The following VWA8 variants were observed in gnomAD, a reference collection of about 807,000 sequenced individuals.
VWA8 encodes the protein von Willebrand factor A domain-containing protein 8.
Under a neutral mutation model 241.5 loss-of-function variants are expected in VWA8, and 221 were observed. The ratio of observed to expected loss-of-function variants is 0.91; its 90% CI spans 0.82 to 1.02. The LOEUF is 1.02. VWA8 is among the 50% of genes least tolerant of loss of function. The pLI, the probability that VWA8 is intolerant of heterozygous loss-of-function variation, is 0.00. For synonymous variants in VWA8, 852 were observed against 827.1 expected, an observed-to-expected ratio of 1.03 and a Z score of -0.52; for missense variants, 2,322 against 2,328.7, an observed-to-expected ratio of 1.00 and a Z score of 0.06.
chr13:41,593,559 A>C (rs139172413), intron 40 of VWA8, among the ~76,000 whole-genome samples: 5 of 152,194 alleles, frequency 3.3e-5, no homozygotes, highest in African/African-American at 1.2e-4. Flanking sequence ...CCCTCCCTGC[A>C]CCAGTGATTG....
chr13:41,950,199 G>C (rs1261327738), intron 1 of VWA8, among the ~76,000 whole-genome samples, 186 bp from the exon 2 acceptor site: 1 of 151,962 alleles, frequency 6.6e-6, no homozygotes. Flanking sequence ...GGAGAAGTGA[G>C]GCATCAGTGC....
At chr13:41,915,716 T>C (rs1355302929) in intron 2 of VWA8, among the ~76,000 whole-genome samples, 1 of 152,214 alleles carries the variant, frequency 6.6e-6, no homozygotes, top group African/African-American at 2.4e-5. Context: ...AGTAAGTCTG[T>C]AGGAGTTGTC....
intron 2 of VWA8, among the ~76,000 whole-genome samples, chr13:41,940,271 TTA>T (rs1472286345): frequency 6.6e-6 from 1 of 152,198 alleles, no homozygotes; most frequent in African/African-American, 2.4e-5. Flanking sequence ...GTCTATCATT[TTA>T]TGTTTCACTT....
At chr13:41,904,799 C>G (rs1305396257) in intron 4 of VWA8, among the ~76,000 whole-genome samples, 1 of 151,674 alleles carries the variant, frequency 6.6e-6, no homozygotes, top group Non-Finnish European at 1.5e-5. Flanking sequence ...ATTAAACACC[C>G]TTAATCAAAT....
intron 3 of VWA8, among the ~76,000 whole-genome samples, chr13:41,909,012 T>C (rs1431761176): frequency 6.6e-6 from 1 of 152,056 alleles, no homozygotes; most frequent in Non-Finnish European, 1.5e-5. Context: ...AATGTGCCTG[T>C]CCCCATGTTA....
At chr13:41,879,896 A>G (rs529824503) in intron 9 of VWA8, among the ~76,000 whole-genome samples, 2 of 152,336 alleles carry the variant, frequency 1.3e-5, no homozygotes, top group East Asian at 1.9e-4. Flanking sequence ...GTCACATTCT[A>G]TTTCTTAGAA....
intron 26 of VWA8, among the ~76,000 whole-genome samples, chr13:41,711,002 A>C (rs1428929105): frequency 6.6e-6 from 1 of 152,240 alleles, no homozygotes; most frequent in Non-Finnish European, 1.5e-5. Context: ...GGGCAAATTC[A>C]AAAGAGATGA....
chr13:41,743,194 G>A (rs891818852), intron 21 of VWA8, among the ~76,000 whole-genome samples: 1 of 152,202 alleles, frequency 6.6e-6, no homozygotes, highest in African/African-American at 2.4e-5. Flanking sequence ...AGGGTTCTGA[G>A]CAGAAGAGCA....
At chr13:41,902,193 G>A (rs1313001801) in intron 4 of VWA8, among the ~76,000 whole-genome samples, 1 of 152,010 alleles carries the variant, frequency 6.6e-6, no homozygotes. Context: ...ATACCTATCT[G>A]ATGAAATATT....
chr13:41,700,186 A>G (rs1418538882), intron 28 of VWA8, among the ~76,000 whole-genome samples: 1 of 152,228 alleles, frequency 6.6e-6, no homozygotes, highest in Non-Finnish European at 1.5e-5. Flanking sequence ...GACATGAGAT[A>G]TGACAATAAG....
At chr13:41,877,992 C>A (rs1413023588) in intron 9 of VWA8, among the ~76,000 whole-genome samples, 2 of 151,998 alleles carry the variant, frequency 1.3e-5, no homozygotes, top group Non-Finnish European at 2.9e-5. Context: ...ATTGTGAATT[C>A]TATCTGATTG....
chr13:41,689,624 AC>A, intron 33 of VWA8, 116 bp from the exon 34 acceptor site: 1 of 1,076,808 alleles, frequency 9.3e-7, no homozygotes, highest in Non-Finnish European at 1.2e-6. Context: ...AAAAGAGAAA[AC>A]ATTTTAAATT....
chr13:41,836,092 C>T (rs1227586457), intron 12 of VWA8, among the ~76,000 whole-genome samples: 3 of 152,228 alleles, frequency 2.0e-5, no homozygotes, highest in African/African-American at 7.2e-5. Flanking sequence ...GATATGCCTC[C>T]CACGTGGGAA....
rs560541762 is a variant in VWA8, at chr13:41,745,607, A to T, written c.2427-13452T>A. Among the ~76,000 whole-genome samples, 3 of 152,346 alleles carry T rather than the reference A, an allele frequency of 2.0e-5. No individual in the cohort carries two copies. In the East Asian group the frequency reaches 5.8e-4, roughly 29 times the overall value. ...ATGCGGCCAACAGACACATGAAAAA[A>T]TGCTTATCATCACTGATCATCAGAG... On this transcript the variant is annotated intron_variant, in intron 21 of 44. Coordinates refer to ENST00000379310, the MANE Select transcript of VWA8 (RefSeq NM_015058.2).
chr13:41,900,484 A>G (rs1875372398), intron 4 of VWA8, among the ~76,000 whole-genome samples: 1 of 152,200 alleles, frequency 6.6e-6, no homozygotes, highest in African/African-American at 2.4e-5. Flanking sequence ...ACCACTCAAC[A>G]CATGGACATG....
intron 37 of VWA8, among the ~76,000 whole-genome samples, chr13:41,615,859 G>T (rs1326389349): frequency 2.0e-5 from 3 of 152,186 alleles, no homozygotes; most frequent in Non-Finnish European, 4.4e-5. Flanking sequence ...CAGTTCAGTA[G>T]ATACTACTCC....
intron 29 of VWA8, among the ~76,000 whole-genome samples, chr13:41,698,394 A>G (rs956561348): frequency 3.9e-5 from 6 of 151,952 alleles, no homozygotes. Context: ...TTGAAGCACA[A>G]TCTGTCTTCT....
chr13:41,956,579 C>T (rs1206255837), intron 1 of VWA8, among the ~76,000 whole-genome samples: 2 of 152,150 alleles, frequency 1.3e-5, no homozygotes, highest in Non-Finnish European at 2.9e-5. Flanking sequence ...AAATACAAAA[C>T]TTAGACCAAA....
intron 20 of VWA8, among the ~76,000 whole-genome samples, chr13:41,764,705 A>G (rs891457287): frequency 6.6e-6 from 1 of 152,128 alleles, no homozygotes; most frequent in Non-Finnish European, 1.5e-5. Context: ...CTGGACAGGT[A>G]TGCAAGAAGT....
Sources: allele counts gnomAD v4.1 joint callset (sites outside exome capture counted in the v4.1 genomes callset), GRCh38; gene constraint gnomAD v4.1.1; transcripts MANE v1.5; gene names NCBI Gene and HGNC (gene_info 2026-07-23, HGNC 2026-07-21).